ZNF705B: variants seen among roughly 807,000 people sequenced by gnomAD.
The protein encoded by ZNF705B is Putative zinc finger protein 705D-like protein LOC100132396.
Under a neutral mutation model 10.5 loss-of-function variants are expected in ZNF705B, and 1 was observed. The ratio of observed to expected loss-of-function variants is 0.10; its 90% CI spans 0.03 to 0.45. The LOEUF is 0.45. Among genes scored for constraint, ZNF705B ranks in the 20% least tolerant of loss-of-function variants. The pLI is 0.97. For missense variants in ZNF705B, 14 were observed against 84.0 expected, an observed-to-expected ratio of 0.17 and a Z score of 3.26; for synonymous variants, 4 against 25.4, an observed-to-expected ratio of 0.16 and a Z score of 2.53.
At chr8:7,926,575 T>G (rs1279820711) in intron 1 of ZNF705B, among the ~76,000 whole-genome samples, 178 bp downstream of exon 1, 2 of 105,408 alleles carry the variant, frequency 1.9e-5, no homozygotes, top group African/African-American at 5.5e-5. Context: ...CCATCATTAT[T>G]TGCTGTGGTA....
Position 7,926,401 on chromosome 8 carries a change from G to A in ZNF705B, c.-222+4G>A, listed in dbSNP as rs1416560531. 2.5e-5 allele frequency: 3 copies of A among 118,780 alleles called. No individual in the cohort carries two copies. Among genetic ancestry groups the A allele is most frequent in the Non-Finnish European group, 6.0e-5 (3 of 49,938 alleles). The allele number at this position is 118,780 out of a possible 1,614,324, so 7.4% of individuals were successfully genotyped here. On this transcript the variant is annotated splice_donor_region_variant and intron_variant, in intron 1 of 6. Coordinates refer to ENST00000400120, the MANE Select transcript of ZNF705B (RefSeq NM_001193630.1). Reference sequence around the variant, plus strand: ...GGGTGGAGGAACCAACTGCAAGGTGGGTTTCCAGTAGGGCCAACTGGGGCT... The same window carrying A: ...GGGTGGAGGAACCAACTGCAAGGTGAGTTTCCAGTAGGGCCAACTGGGGCT...
At chr8:7,950,579 G>GA in intron 5 of ZNF705B, 86 bp from the exon 6 acceptor site, 5 of 298,772 alleles carry the variant, frequency 1.7e-5, no homozygotes, top group Non-Finnish European at 2.1e-5. Flanking sequence ...GTCAATTTTT[G>GA]AAAAAAAGTA....
At chr8:7,944,656 T>C (rs1455828679) in intron 2 of ZNF705B, among the ~76,000 whole-genome samples, 2 of 84,626 alleles carry the variant, frequency 2.4e-5, no homozygotes, top group African/African-American at 3.7e-5. Flanking sequence ...GGATGCAGAA[T>C]GGCTCATTCC....
intron 2 of ZNF705B, among the ~76,000 whole-genome samples, chr8:7,935,563 A>G: frequency 8.1e-6 from 1 of 123,690 alleles, no homozygotes; most frequent in African/African-American, 2.5e-5. Context: ...GCTTTCAATC[A>G]GTACAGCAAT....
intron 2 of ZNF705B, among the ~76,000 whole-genome samples, chr8:7,935,821 G>C (rs1267535002): frequency 1.1e-5 from 1 of 91,116 alleles, no homozygotes; most frequent in African/African-American, 2.7e-5. Flanking sequence ...TGATCCCTGA[G>C]CTTTCCATCT....
chr8:7,936,195 G>C (rs1178880452), intron 2 of ZNF705B, among the ~76,000 whole-genome samples: 2 of 117,872 alleles, frequency 1.7e-5, no homozygotes, highest in African/African-American at 5.1e-5. Context: ...TTAAAATACA[G>C]CTATTTTCTA....
intron 2 of ZNF705B, among the ~76,000 whole-genome samples, chr8:7,934,021 G>A (rs1477405668): frequency 7.6e-6 from 1 of 132,072 alleles, no homozygotes; most frequent in African/African-American, 2.7e-5. Flanking sequence ...GCTCACTGCA[G>A]CCTCCACCTC....
At chr8:7,928,225 T>G (rs1274625726) in intron 1 of ZNF705B, among the ~76,000 whole-genome samples, 2 of 113,428 alleles carry the variant, frequency 1.8e-5, no homozygotes, top group African/African-American at 5.2e-5. Flanking sequence ...CTCCACGACT[T>G]AATCACCTCC....
chr8:7,926,532 T>A, intron 1 of ZNF705B, 135 bp downstream of exon 1: 1 of 110,028 alleles, frequency 9.1e-6, no homozygotes, highest in Non-Finnish European at 2.2e-5. Context: ...TCTAGTGGTA[T>A]TATTATTATT....
Position 7,932,608 on chromosome 8 carries a change from T to C in ZNF705B, c.-72+2172T>C, listed in dbSNP as rs1241492529. ...TGGTGATGCAGTTTCAAAAATGCACTGAGGAAAACTTGGCACTTCCATAGG... is the reference window on the plus strand; with the variant it reads ...TGGTGATGCAGTTTCAAAAATGCACCGAGGAAAACTTGGCACTTCCATAGG... On this transcript the variant is annotated intron_variant, in intron 2 of 6. Transcript: ENST00000400120. Among the ~76,000 whole-genome samples, 23 of 121,740 alleles carry C rather than the reference T, an allele frequency of 1.9e-4. 1 individual carries two copies. The highest frequency in any genetic ancestry group is 5.8e-4 in the African/African-American group (23 of 39,882). The allele number at this position is 121,740 out of a possible 152,430, so 79.9% of individuals were successfully genotyped here.
At chr8:7,931,264 C>A (rs1335614938) in intron 2 of ZNF705B, among the ~76,000 whole-genome samples, 1 of 121,072 alleles carries the variant, frequency 8.3e-6, no homozygotes, top group African/African-American at 2.5e-5. Context: ...ACTCTCGTGA[C>A]CCCAGATGGC....
chr8:7,940,902 AC>A (rs1820136746), intron 2 of ZNF705B, among the ~76,000 whole-genome samples: 1 of 147,480 alleles, frequency 6.8e-6, no homozygotes, highest in African/African-American at 2.5e-5. Flanking sequence ...ATGTGTTCTC[AC>A]CGTTCTGCTC....
In ZNF705B at chr8:7,933,916, CA is replaced by C; in HGVS notation, c.-72+3481del. 2.8e-5 allele frequency among the ~76,000 whole-genome samples: 2 copies of C among 70,738 alleles called. 1 individual carries two copies. 46.4% of individuals were successfully genotyped at this position (70,738 alleles called of 152,430 possible). Reference sequence around the variant, plus strand: ...AAACCAAACAGTAATCAAGTCATAACATGTAATATAAACTTTTTTTTTTTTT... The same window carrying C: ...AAACCAAACAGTAATCAAGTCATAACTGTAATATAAACTTTTTTTTTTTTT... On this transcript the variant is annotated intron_variant, in intron 2 of 6. Transcript: ENST00000400120.
chr8:7,929,938 C>A (rs1332362226), intron 1 of ZNF705B, among the ~76,000 whole-genome samples: 2 of 80,930 alleles, frequency 2.5e-5, no homozygotes, highest in African/African-American at 6.5e-5. Flanking sequence ...ATTAGTTACC[C>A]AAAATTATTT....
intron 2 of ZNF705B, among the ~76,000 whole-genome samples, chr8:7,932,369 G>C (rs1563492924): frequency 8.3e-6 from 1 of 121,030 alleles, no homozygotes; most frequent in African/African-American, 2.5e-5. Context: ...CCTCTTCAAG[G>C]TATGATTATC....
intron 2 of ZNF705B, among the ~76,000 whole-genome samples, chr8:7,940,936 A>C (rs370379824): frequency 0.072 from 10,584 of 146,714 alleles, 157 homozygotes; most frequent in Middle Eastern, 0.19. Context: ...TAGAACGTGC[A>C]GTGCTTGGTT....
chr8:7,931,925 A>T (rs1171527416), intron 2 of ZNF705B, among the ~76,000 whole-genome samples: 39 of 124,618 alleles, frequency 3.1e-4, no homozygotes, highest in Admixed American at 2.7e-4. Flanking sequence ...CTGGATGGAC[A>T]TGAGGGAATG....
intron 2 of ZNF705B, among the ~76,000 whole-genome samples, chr8:7,940,246 C>A (rs1258153402): frequency 2.0e-5 from 3 of 147,920 alleles, no homozygotes; most frequent in Non-Finnish European, 4.5e-5. Flanking sequence ...TTTAACCAAC[C>A]CCCTCTTGTT....
rs1414092504 is a variant in ZNF705B at position 7,932,611 on chromosome 8, G to A, written c.-72+2175G>A. Among the ~76,000 whole-genome samples, 2 of 121,602 alleles carry A rather than the reference G, an allele frequency of 1.6e-5. 1 individual carries two copies. Among genetic ancestry groups the A allele is most frequent in the Non-Finnish European group, 3.9e-5 (2 of 50,702 alleles). 79.8% of individuals were successfully genotyped at this position (121,602 alleles called of 152,430 possible). ...TGATGCAGTTTCAAAAATGCACTGA[G>A]GAAAACTTGGCACTTCCATAGGGTT... On this transcript the variant is annotated intron_variant, in intron 2 of 6. Transcript: ENST00000400120.
Sources: gnomAD v4.1 joint callset for allele counts (sites outside exome capture counted in the v4.1 genomes callset) on GRCh38, gnomAD v4.1.1 for gene constraint, MANE v1.5 for transcripts, NCBI Gene and HGNC (gene_info 2026-07-23, HGNC 2026-07-21) for gene names.